Variants in FOXP1 observed in about 807,000 individuals in gnomAD.
FOXP1 encodes the protein forkhead box protein P1.
In FOXP1, 15 loss-of-function variants were observed where a neutral mutation model predicts 98.2. The observed-to-expected ratio is 0.15, with a 90% confidence interval of 0.10 to 0.24. FOXP1 has a LOEUF of 0.24. Among genes scored for constraint, FOXP1 ranks in the 10% least tolerant of loss-of-function variants. FOXP1 has a pLI of 1.00. For missense variants in FOXP1, 633 were observed against 848.5 expected, an observed-to-expected ratio of 0.75 and a Z score of 3.15; for synonymous variants, 371 against 314.5, an observed-to-expected ratio of 1.18 and a Z score of -1.90.
chr3:71,472,880 T>C (rs888913665), intron 3 of FOXP1, among the ~76,000 whole-genome samples: 4 of 152,178 alleles, frequency 2.6e-5, no homozygotes, highest in African/African-American at 9.7e-5. Context: ...CATGCAGGCA[T>C]TGCACTCCAG....
chr3:71,489,933 G>C (rs184392373), intron 3 of FOXP1, among the ~76,000 whole-genome samples: 5 of 152,236 alleles, frequency 3.3e-5, no homozygotes, highest in African/African-American at 1.2e-4. Context: ...CTCTGACCCT[G>C]GTCTACCAGG....
intron 2 of FOXP1, among the ~76,000 whole-genome samples, chr3:71,507,678 C>T (rs1481089979): frequency 1.3e-5 from 2 of 151,900 alleles, no homozygotes; most frequent in Non-Finnish European, 2.9e-5. Flanking sequence ...CCCGGGTTCA[C>T]GCCATTCTCC....
chr3:71,096,319 A>G (rs1356705190), intron 7 of FOXP1, among the ~76,000 whole-genome samples: 2 of 152,332 alleles, frequency 1.3e-5, no homozygotes, highest in East Asian at 1.9e-4. Flanking sequence ...GTTTTTAAAT[A>G]TACACATGCT....
chr3:71,504,971 TA>T, intron 2 of FOXP1, among the ~76,000 whole-genome samples: 1 of 152,168 alleles, frequency 6.6e-6, no homozygotes, highest in East Asian at 1.9e-4. Flanking sequence ...GAGTAAATGC[TA>T]TTATCTTACA....
At chr3:70,970,489 C>T (rs969240831) in intron 19 of FOXP1, 9 of 504,890 alleles carry the variant, frequency 1.8e-5, no homozygotes, top group East Asian at 3.5e-5. Context: ...AATTATGATA[C>T]TGCTGATAAA....
intron 5 of FOXP1, 40 bp from the exon 6 acceptor site, chr3:71,198,432 G>GGGGGGGGCCCCCC: frequency 2.0e-6 from 1 of 491,034 alleles, no homozygotes; most frequent in Non-Finnish European, 4.0e-6. Context: ...GGGAGGGGGG[G>GGGGGGGGCCCCCC]AGAAAAAAAA....
rs1282318881 is a variant in FOXP1, at chr3:71,068,839, A to G, written c.283-15066T>C. On this transcript the variant is annotated intron_variant, in intron 7 of 20. Transcript: ENST00000649528. ...TACTCAGGAAAGCGCGCCTCCCCAGAAGGAGGACTGCTTTAAGTATTTCTC... is the reference window on the plus strand; with the variant it reads ...TACTCAGGAAAGCGCGCCTCCCCAGGAGGAGGACTGCTTTAAGTATTTCTC... Among the ~76,000 whole-genome samples, 4 of 152,180 alleles carry G rather than the reference A, an allele frequency of 2.6e-5. 1 individual carries two copies.
intron 4 of FOXP1, among the ~76,000 whole-genome samples, chr3:71,349,528 C>T (rs892737757): frequency 6.6e-6 from 1 of 151,934 alleles, no homozygotes; most frequent in Non-Finnish European, 1.5e-5. Flanking sequence ...ATATGATGGA[C>T]ATGAAAATTA....
At chr3:71,293,679 A>C (rs1263983440) in intron 5 of FOXP1, among the ~76,000 whole-genome samples, 6 of 152,316 alleles carry the variant, frequency 3.9e-5, no homozygotes, top group Admixed American at 6.5e-5. Flanking sequence ...TCAATATTTA[A>C]GAAATTTTTT....
chr3:71,104,276 C>T (rs2057241410), intron 7 of FOXP1, among the ~76,000 whole-genome samples: 1 of 152,134 alleles, frequency 6.6e-6, no homozygotes, highest in Non-Finnish European at 1.5e-5. Flanking sequence ...CTCGAGCCAT[C>T]TTTGCTGGGT....
chr3:71,314,712 C>G (rs1410552807), intron 4 of FOXP1, among the ~76,000 whole-genome samples: 1 of 151,810 alleles, frequency 6.6e-6, no homozygotes, highest in African/African-American at 2.4e-5. Flanking sequence ...TCTCACCTAC[C>G]TCAGTGGAGG....
rs2042202641 is a variant in FOXP1, at chr3:71,511,498, A to G, written c.-297-17943T>C. Among the ~76,000 whole-genome samples the G allele has an allele frequency of 3.7e-5, 3 of 81,530 alleles. No homozygotes were observed. In the South Asian group the frequency reaches 9.1e-4, roughly 25 times the overall value. 53.5% of individuals were successfully genotyped at this position (81,530 alleles called of 152,430 possible). A position where few individuals can be genotyped will look rare whatever the true frequency, so the allele number is the denominator to read the frequency against. ...AAGTCTACAAGTTGTAGAATTAATA[A>G]AAAAAAAAAAAAAATTACCCCAACC... On this transcript the variant is annotated intron_variant, in intron 2 of 20. Coordinates refer to ENST00000649528, the MANE Select transcript of FOXP1 (RefSeq NM_001349338.3).
At chr3:71,357,928 GA>G (rs1440354728) in intron 4 of FOXP1, among the ~76,000 whole-genome samples, 2 of 151,868 alleles carry the variant, frequency 1.3e-5, no homozygotes, top group East Asian at 3.9e-4. Flanking sequence ...CATATCTAAA[GA>G]TGACACTACA....
chr3:71,036,810 A>C (rs1443174810), intron 11 of FOXP1, among the ~76,000 whole-genome samples: 2 of 152,000 alleles, frequency 1.3e-5, no homozygotes, highest in Non-Finnish European at 2.9e-5. Flanking sequence ...AAAAGAGAAA[A>C]CTCTGGTATT....
chr3:71,562,556 T>C (rs1406428025), intron 2 of FOXP1, among the ~76,000 whole-genome samples: 5 of 152,120 alleles, frequency 3.3e-5, no homozygotes, highest in South Asian at 4.1e-4. Context: ...TTATTGACCT[T>C]TCACTGAGGG....
At chr3:70,981,204 A>C (rs2038789818) in intron 14 of FOXP1, among the ~76,000 whole-genome samples, 1 of 150,868 alleles carries the variant, frequency 6.6e-6, no homozygotes, top group Non-Finnish European at 1.5e-5. Flanking sequence ...AAAAAAAAAA[A>C]AAAAAAAAAA....
rs199543140 is a variant in FOXP1 at position 70,987,981 on chromosome 3, GATC to G, written c.1146+10_1146+12del. ...GTTTTGTTTTTTTCCCCTTGGTGGG[GATC>G]AATACTTACGGGCTGAGGGGCGGCT... On this transcript the variant is annotated intron_variant, in intron 14 of 20. Transcript: ENST00000649528. 1.1e-3 allele frequency: 1,722 copies of G among 1,612,960 alleles called. 17 individuals carry two copies. In the African/African-American group the frequency reaches 0.02, roughly 19 times the overall value.
chr3:71,218,207 T>G (rs1306178472), intron 5 of FOXP1, among the ~76,000 whole-genome samples: 1 of 152,196 alleles, frequency 6.6e-6, no homozygotes, highest in Non-Finnish European at 1.5e-5. Context: ...TCACAAACTT[T>G]AGGAATTTAG....
In FOXP1 at chr3:70,957,275, A is replaced by G. The variant is rs571633980; in HGVS notation, c.*1972T>C. 4.4e-6 allele frequency: 1 copy of G among 226,302 alleles called. No homozygotes were observed. Among genetic ancestry groups the G allele is most frequent in the South Asian group, 1.8e-4 (1 of 5,466 alleles). 14.0% of individuals were successfully genotyped at this position (226,302 alleles called of 1,614,324 possible). A position where few individuals can be genotyped will look rare whatever the true frequency, so the allele number is the denominator to read the frequency against. ...AATGAGTTTTGGTCTCTGTAGAGGT[A>G]CACAAAAAGAAAAAGGAAAAATAAC... is the stretch of plus-strand genomic sequence containing the variant. On this transcript the variant is annotated 3_prime_UTR_variant, in exon 21 of 21. Transcript: ENST00000649528.
Sources: allele counts gnomAD v4.1 joint callset (sites outside exome capture counted in the v4.1 genomes callset), GRCh38; gene constraint gnomAD v4.1.1; transcripts MANE v1.5; gene names NCBI Gene and HGNC (gene_info 2026-07-23, HGNC 2026-07-21).